LYPLAL1: variants seen among roughly 807,000 people sequenced by gnomAD.
The protein encoded by LYPLAL1 is lysophospholipase like 1.
LYPLAL1 carries 23 observed loss-of-function variants against 19.7 expected under a neutral mutation model. That is an observed-to-expected ratio of 1.17 (90% confidence interval 0.84 to 1.65). The LOEUF is 1.65. Ranked by LOEUF, LYPLAL1 falls within the 40% of genes most tolerant of loss-of-function variation. LYPLAL1 has a pLI of 0.00. For missense variants in LYPLAL1, 355 were observed against 279.4 expected, an observed-to-expected ratio of 1.27 and a Z score of -1.93; for synonymous variants, 119 against 96.3, an observed-to-expected ratio of 1.24 and a Z score of -1.38.
chr1:219,399,250 G>C, the LYPLAL1 span, among the ~76,000 whole-genome samples: 1 of 152,240 alleles, frequency 6.6e-6, no homozygotes, highest in East Asian at 1.9e-4. Context: ...GGTGGGCACA[G>C]GTCTGTGTGC....
At chr1:219,368,035 T>C in the LYPLAL1 span, among the ~76,000 whole-genome samples, 2 of 152,124 alleles carry the variant, frequency 1.3e-5, no homozygotes, top group African/African-American at 4.8e-5. Context: ...TGCTACTCCT[T>C]TATATTCTTC....
At chr1:219,420,364 G>T in the LYPLAL1 span, among the ~76,000 whole-genome samples, 2 of 152,186 alleles carry the variant, frequency 1.3e-5, no homozygotes, top group Non-Finnish European at 2.9e-5. Flanking sequence ...CGAATAATTT[G>T]CACTCTATTT....
At chr1:219,189,742 C>T (rs530040905) in intron 2 of LYPLAL1, among the ~76,000 whole-genome samples, 1 of 151,632 alleles carries the variant, frequency 6.6e-6, no homozygotes, top group Non-Finnish European at 1.5e-5. Context: ...AATCTGCCCT[C>T]CTCATAGGTT....
the LYPLAL1 span, among the ~76,000 whole-genome samples, chr1:219,419,594 C>CACACACACACACACACAGAGAG: frequency 1.1e-4 from 11 of 99,602 alleles, no homozygotes; most frequent in African/African-American, 3.6e-4. Context: ...CACACACACA[C>CACACACACACACACACAGAGAG]AGAGAGAGAG....
the LYPLAL1 span, among the ~76,000 whole-genome samples, chr1:219,268,074 G>T: frequency 8.5e-5 from 13 of 152,240 alleles, no homozygotes; most frequent in African/African-American, 3.1e-4. Flanking sequence ...TATGTGTTAG[G>T]CATTGTTATA....
At chr1:219,268,555 A>C in the LYPLAL1 span, among the ~76,000 whole-genome samples, 1 of 152,244 alleles carries the variant, frequency 6.6e-6, no homozygotes, top group Non-Finnish European at 1.5e-5. Context: ...GGCTATTGTA[A>C]GTACTTTTAC....
the LYPLAL1 span, among the ~76,000 whole-genome samples, chr1:219,229,420 GCGAAAAGCATCTCT>G: frequency 6.7e-6 from 1 of 149,780 alleles, no homozygotes; most frequent in Non-Finnish European, 1.5e-5. Context: ...CTGATTCCCG[GCGAAAAGCATCTCT>G]CTTCTGGCTC....
At chr1:219,392,776 A>G in the LYPLAL1 span, among the ~76,000 whole-genome samples, 3 of 152,194 alleles carry the variant, frequency 2.0e-5, no homozygotes. Flanking sequence ...TTCAGAGCTA[A>G]AATTGAGCCC....
chr1:219,340,146 C>T, the LYPLAL1 span, among the ~76,000 whole-genome samples: 1 of 152,028 alleles, frequency 6.6e-6, no homozygotes, highest in Admixed American at 6.6e-5. Flanking sequence ...ACAAAATGCA[C>T]AGCTTACAAA....
the LYPLAL1 span, among the ~76,000 whole-genome samples, chr1:219,238,670 C>T: frequency 6.6e-6 from 1 of 152,024 alleles, no homozygotes; most frequent in Non-Finnish European, 1.5e-5. Context: ...ACTCTCTGCT[C>T]TACAATGTTG....
chr1:219,216,716 C>T (rs1486303413), downstream of LYPLAL1, among the ~76,000 whole-genome samples: 1 of 152,034 alleles, frequency 6.6e-6, no homozygotes, highest in Non-Finnish European at 1.5e-5. Context: ...ACTCTGTGTG[C>T]AGTACTCTAC....
chr1:219,412,905 A>T, the LYPLAL1 span, among the ~76,000 whole-genome samples: 13 of 152,226 alleles, frequency 8.5e-5, no homozygotes, highest in Non-Finnish European at 1.3e-4. Flanking sequence ...TGGTATGATG[A>T]GTTGGCTCAT....
chr1:219,239,728 G>T, the LYPLAL1 span, among the ~76,000 whole-genome samples: 1 of 152,176 alleles, frequency 6.6e-6, no homozygotes, highest in African/African-American at 2.4e-5. Context: ...AGATCTTCAA[G>T]TATGCTGCTA....
chr1:219,310,617 A>G, the LYPLAL1 span, among the ~76,000 whole-genome samples: 1 of 152,186 alleles, frequency 6.6e-6, no homozygotes, highest in Non-Finnish European at 1.5e-5. Flanking sequence ...GATCAACTAA[A>G]AGCAAAGGCC....
chr1:219,330,885 G>A, the LYPLAL1 span, among the ~76,000 whole-genome samples: 3 of 152,144 alleles, frequency 2.0e-5, no homozygotes, highest in African/African-American at 7.2e-5. Context: ...TGGGTCTGAG[G>A]TAACAAGCCT....
At chr1:219,293,808 T>C in the LYPLAL1 span, among the ~76,000 whole-genome samples, 1 of 152,248 alleles carries the variant, frequency 6.6e-6, no homozygotes. Context: ...AGCTTGTGTT[T>C]CCAATATGGC....
At chr1:219,327,869 T>C in the LYPLAL1 span, among the ~76,000 whole-genome samples, 1 of 152,176 alleles carries the variant, frequency 6.6e-6, no homozygotes, top group African/African-American at 2.4e-5. Flanking sequence ...CACCATGATT[T>C]TGAGACCTCC....
At chr1:219,355,250 C>A in the LYPLAL1 span, among the ~76,000 whole-genome samples, 1 of 152,216 alleles carries the variant, frequency 6.6e-6, no homozygotes, top group East Asian at 1.9e-4. Context: ...CTGCATTGGA[C>A]AGCACAGCCT....
At chr1:219,278,003 A>G in the LYPLAL1 span, among the ~76,000 whole-genome samples, 1 of 152,244 alleles carries the variant, frequency 6.6e-6, no homozygotes, top group African/African-American at 2.4e-5. Context: ...TAAATATTCT[A>G]CAAAAAGTTC....
Sources: gnomAD v4.1 joint callset for allele counts (sites outside exome capture counted in the v4.1 genomes callset) on GRCh38, gnomAD v4.1.1 for gene constraint, MANE v1.5 for transcripts, NCBI Gene and HGNC (gene_info 2026-07-23, HGNC 2026-07-21) for gene names.